RORA: variants seen among roughly 807,000 people sequenced by gnomAD.
The protein encoded by RORA is nuclear receptor ROR-alpha.
A neutral mutation model predicts 69.5 loss-of-function variants in RORA; 7 were observed. The ratio of observed to expected loss-of-function variants is 0.10; its 90% confidence interval spans 0.06 to 0.19. The LOEUF is 0.19. RORA is among the 10% of genes least tolerant of loss of function. The pLI is 1.00. For synonymous variants in RORA, 261 were observed against 240.8 expected (o/e 1.08, Z -0.78); for missense variants, 457 against 663.0 (o/e 0.69, Z 3.41).
At chr15:60,623,852 G>A (rs2069486934) in intron 2 of RORA, among the ~76,000 whole-genome samples, 1 of 152,210 alleles carries the variant, frequency 6.6e-6, no homozygotes, top group Non-Finnish European at 1.5e-5. Context: ...CGCAGTTTGA[G>A]ATATGTGTGC....
intron 1 of RORA, among the ~76,000 whole-genome samples, chr15:60,714,905 G>C (rs1226287482): frequency 6.6e-6 from 1 of 152,136 alleles, no homozygotes; most frequent in Non-Finnish European, 1.5e-5. Context: ...TCTTTTCACA[G>C]AAGAGCCATC....
intron 1 of RORA, among the ~76,000 whole-genome samples, chr15:60,691,543 G>A (rs2070825562): frequency 6.6e-6 from 1 of 152,198 alleles, no homozygotes; most frequent in South Asian, 2.1e-4. Context: ...GAAGTGTGTA[G>A]AGAAGACAAG....
chr15:60,710,476 G>A (rs1241279422), intron 1 of RORA, among the ~76,000 whole-genome samples: 4 of 151,974 alleles, frequency 2.6e-5, no homozygotes, highest in East Asian at 3.9e-4. Flanking sequence ...CAACAAGAGC[G>A]AAACTCCATC....
intron 1 of RORA, among the ~76,000 whole-genome samples, chr15:60,744,161 T>C (rs2071615959): frequency 6.6e-6 from 1 of 151,556 alleles, no homozygotes; most frequent in Non-Finnish European, 1.5e-5. Flanking sequence ...AGGAGATAGA[T>C]AGATAAAGAG....
At chr15:61,216,683 A>G (rs1023961629) in intron 1 of RORA, among the ~76,000 whole-genome samples, 1 of 152,126 alleles carries the variant, frequency 6.6e-6, no homozygotes, top group Non-Finnish European at 1.5e-5. Flanking sequence ...GGAGACAGGG[A>G]AAAGGGAAGG....
At chr15:61,192,906 T>C (rs1237195674) in intron 1 of RORA, among the ~76,000 whole-genome samples, 1 of 152,200 alleles carries the variant, frequency 6.6e-6, no homozygotes, top group East Asian at 1.9e-4. Flanking sequence ...ACAAGGTACC[T>C]ATGGCAGTGA....
chr15:60,885,517 A>G (rs1042618728), intron 1 of RORA, among the ~76,000 whole-genome samples: 2 of 152,256 alleles, frequency 1.3e-5, no homozygotes, highest in Non-Finnish European at 2.9e-5. Context: ...GAGATATAAC[A>G]AAATGGTTGC....
chr15:61,063,871 T>G (rs538652059), intron 1 of RORA, among the ~76,000 whole-genome samples: 70 of 152,340 alleles, frequency 4.6e-4, no homozygotes, highest in African/African-American at 1.7e-3. Flanking sequence ...GAGAGCACGT[T>G]TGGCCTAGCT....
intron 1 of RORA, among the ~76,000 whole-genome samples, chr15:60,882,753 C>T (rs1232516355): frequency 6.6e-6 from 1 of 151,940 alleles, no homozygotes; most frequent in African/African-American, 2.4e-5. Context: ...ACTGATTTTC[C>T]CTCCTTGTTC....
chr15:60,735,503 T>C (rs912636466), intron 1 of RORA, among the ~76,000 whole-genome samples: 1 of 151,856 alleles, frequency 6.6e-6, no homozygotes, highest in African/African-American at 2.4e-5. Context: ...TGCTACTTAA[T>C]TGAAATAAAA....
chr15:61,154,296 G>C (rs1017669278), intron 1 of RORA, among the ~76,000 whole-genome samples: 1 of 152,152 alleles, frequency 6.6e-6, no homozygotes, highest in Non-Finnish European at 1.5e-5. Context: ...CCACAGGTAG[G>C]CTGATTCAAT....
intron 1 of RORA, among the ~76,000 whole-genome samples, chr15:60,903,615 G>A (rs1354050191): frequency 6.6e-6 from 1 of 152,164 alleles, no homozygotes; most frequent in East Asian, 1.9e-4. Context: ...CTTTCTCCAA[G>A]TAGTATGCAA....
chr15:60,727,938 C>CAA (rs2071382197), intron 1 of RORA, among the ~76,000 whole-genome samples: 1 of 152,186 alleles, frequency 6.6e-6, no homozygotes, highest in African/African-American at 2.4e-5. Flanking sequence ...CTCCTCCTGG[C>CAA]AAATACACAG....
At chr15:61,004,432 C>T (rs182130144) in intron 1 of RORA, among the ~76,000 whole-genome samples, 4 of 150,706 alleles carry the variant, frequency 2.7e-5, no homozygotes, top group Non-Finnish European at 2.9e-5. Flanking sequence ...ATTTTTCAGG[C>T]CATAAGTATT....
chr15:60,956,019 A>G (rs1893258535), intron 1 of RORA, among the ~76,000 whole-genome samples: 2 of 152,250 alleles, frequency 1.3e-5, no homozygotes, highest in Admixed American at 1.3e-4. Context: ...ATTTTAAAAA[A>G]GATTGCTTTA....
At position 60,993,094 on chromosome 15, in the gene RORA, T is replaced by G. The variant is rs376347065; in HGVS notation, c.166+235959A>C. 1.1e-4 allele frequency among the ~76,000 whole-genome samples: 16 copies of G among 152,326 alleles called. No individual in the cohort carries two copies. The East Asian group carries it at 1.7e-3, about 17-fold the overall frequency. On this transcript the variant is annotated intron_variant, in intron 1 of 10. Coordinates refer to ENST00000335670, the MANE Select transcript of RORA (RefSeq NM_134261.3). ...AACAGTGTAGGTAATAGCTGTCTAT[T>G]TACAATATTCTTATTATGTTAAGCT...
At chr15:60,603,141 C>T (rs2068858551) in intron 2 of RORA, among the ~76,000 whole-genome samples, 1 of 152,162 alleles carries the variant, frequency 6.6e-6, no homozygotes, top group East Asian at 1.9e-4. Flanking sequence ...TTCCATTCCA[C>T]AGTTTGTTTA....
intron 1 of RORA, among the ~76,000 whole-genome samples, chr15:60,720,391 CATA>C (rs1192389742): frequency 6.6e-6 from 1 of 152,242 alleles, no homozygotes; most frequent in African/African-American, 2.4e-5. Context: ...CGATAGCTAA[CATA>C]ATCTAAGTTA....
At chr15:60,563,819 A>C (rs2067643676) in intron 2 of RORA, among the ~76,000 whole-genome samples, 1 of 152,000 alleles carries the variant, frequency 6.6e-6, no homozygotes, top group African/African-American at 2.4e-5. Context: ...GGTCATTGGA[A>C]GTTTGCTCCA....
Sources: gnomAD v4.1 joint callset for allele counts (sites outside exome capture counted in the v4.1 genomes callset) on GRCh38, gnomAD v4.1.1 for gene constraint, MANE v1.5 for transcripts, NCBI Gene and HGNC (gene_info 2026-07-23, HGNC 2026-07-21) for gene names.